GRIN2D: variants seen among roughly 807,000 people sequenced by gnomAD.
The protein encoded by GRIN2D is glutamate ionotropic receptor NMDA type subunit 2D.
GRIN2D carries 37 observed loss-of-function variants against 103.2 expected under a neutral mutation model. That is an observed-to-expected ratio of 0.36 (90% confidence interval 0.28 to 0.47). GRIN2D has a LOEUF of 0.47. Among genes scored for constraint, GRIN2D ranks in the 20% least tolerant of loss-of-function variants. The pLI is 1.00. For missense variants in GRIN2D, 1,557 were observed against 1,910.6 expected, an observed-to-expected ratio of 0.81 and a Z score of 3.45; for synonymous variants, 845 against 885.6, an observed-to-expected ratio of 0.95 and a Z score of 0.81.
intron 11 of GRIN2D, among the ~76,000 whole-genome samples, chr19:48,433,434 T>C (rs1251632156): frequency 2.0e-5 from 3 of 152,194 alleles, no homozygotes; most frequent in African/African-American, 4.8e-5. Context: ...TGTGGCGAGC[T>C]AGTGGTTGCC....
chr19:48,402,166 A>AAGAGAGAG (rs531796512), intron 3 of GRIN2D, among the ~76,000 whole-genome samples: 32 of 80,078 alleles, frequency 4.0e-4, no homozygotes, highest in East Asian at 2.6e-3. Flanking sequence ...GAAAGAAAGA[A>AAGAGAGAG]AGAGAGAAAA....
intron 11 of GRIN2D, among the ~76,000 whole-genome samples, chr19:48,437,503 T>A (rs557993096): frequency 6.6e-6 from 1 of 152,322 alleles, no homozygotes; most frequent in East Asian, 1.9e-4. Context: ...CCAGAAAAAC[T>A]GAGCAAACCA....
chr19:48,394,009 C>A lies in GRIN2D; in HGVS notation c.-306+141C>A, dbSNP rs146751271. On this transcript the variant is annotated intron_variant, in intron 1 of 13. Coordinates refer to ENST00000263269, the MANE Select transcript of GRIN2D (RefSeq NM_000836.4). The surrounding 1 kb of genome is among the most constrained non-coding windows in gnomAD (Gnocchi z 5.1). ...GCCTGCCTGGGTGTCGTGGGGCTCCCGCTCCTTCCCCCCGGCCCCCCCAAA... is the reference window on the plus strand; with the variant it reads ...GCCTGCCTGGGTGTCGTGGGGCTCCAGCTCCTTCCCCCCGGCCCCCCCAAA... Among the ~76,000 whole-genome samples, 1 of 152,062 alleles carries A rather than the reference C, an allele frequency of 6.6e-6. No homozygotes were observed. The highest frequency in any genetic ancestry group is 1.5e-5 in the Non-Finnish European group (1 of 67,994).
At position 48,418,725 on chromosome 19, in the gene GRIN2D, C is replaced by T. The variant is rs541271594; in HGVS notation, c.1736-509C>T. ...GCCTGTGACTGGGTGGATGGTGGGG[C>T]TCCCATCATGAGGAGCGTGGGAGCT... On this transcript the variant is annotated intron_variant, in intron 8 of 13. Transcript: ENST00000263269. 9.2e-5 allele frequency among the ~76,000 whole-genome samples: 14 copies of T among 152,028 alleles called. No homozygotes were observed. The South Asian group carries it at 2.9e-3, about 32-fold the overall frequency.
At position 48,442,084 on chromosome 19, in the gene GRIN2D, C is replaced by T. The variant is rs1971301971; in HGVS notation, c.2441-66C>T. On this transcript the variant is annotated intron_variant, in intron 12 of 13. Coordinates refer to ENST00000263269, the MANE Select transcript of GRIN2D (RefSeq NM_000836.4). The surrounding 1 kb of genome is among the most constrained non-coding windows in gnomAD (Gnocchi z 7.2). The stretch of plus-strand genomic sequence containing the variant: ...AGGAAGGGGCTAAGGGCCTACATTC[C>T]CACATCACAGACAAGGGTCCTCAGA... 1.3e-6 allele frequency: 2 copies of T among 1,539,126 alleles called. No homozygotes were observed. Among genetic ancestry groups the T allele is most frequent in the Admixed American group, 1.7e-5 (1 of 59,548 alleles).
chr19:48,431,899 T>TTA (rs1971161576), intron 11 of GRIN2D, among the ~76,000 whole-genome samples: 1 of 145,100 alleles, frequency 6.9e-6, no homozygotes, highest in Non-Finnish European at 1.5e-5. Context: ...TTCCTTTCTT[T>TTA]TCTTTTATCT....
intron 4 of GRIN2D, among the ~76,000 whole-genome samples, chr19:48,412,402 G>GA (rs1970874352): frequency 1.6e-5 from 2 of 126,676 alleles, no homozygotes; most frequent in Non-Finnish European, 3.4e-5. Flanking sequence ...AGAAAGAAAA[G>GA]AAAGAAAGAA....
At chr19:48,439,108 G>T (rs971317701) in intron 11 of GRIN2D, among the ~76,000 whole-genome samples, 1 of 149,606 alleles carries the variant, frequency 6.7e-6, no homozygotes. Flanking sequence ...ACCCCATAAG[G>T]TCAGGTGTGA....
At chr19:48,415,246 C>T (rs1437021452) in intron 7 of GRIN2D, among the ~76,000 whole-genome samples, 1 of 152,052 alleles carries the variant, frequency 6.6e-6, no homozygotes, top group Non-Finnish European at 1.5e-5. Context: ...TGGCGGGCGC[C>T]TGTAATCCCA....
Position 48,419,590 on chromosome 19 carries a change from G to A in GRIN2D, c.1867G>A (p.Gly623Ser). ...CACGTCCTGGCCCCCTGCAGGCCCT[G>A]GCGGTTCAACCTTCACCATTGGGAA... ...NRSLATGKRPGGSTFTIGKSI... is the reference protein window; with the variant it reads ...NRSLATGKRPSGSTFTIGKSI... Residue 623 changes from glycine (G) to serine (S), a missense_variant, in exon 10 of 14, where the codon GGC becomes AGC. Gly to Ser is a moderately conservative substitution (Grantham distance 56). Transcript: ENST00000263269. 6.2e-7 allele frequency: 1 copy of A among 1,612,102 alleles called. No homozygotes were observed. Among genetic ancestry groups the A allele is most frequent in the Non-Finnish European group, 8.5e-7 (1 of 1,178,720 alleles).
intron 11 of GRIN2D, among the ~76,000 whole-genome samples, chr19:48,441,493 G>A (rs117364706): frequency 2.0e-5 from 3 of 152,094 alleles, no homozygotes; most frequent in Admixed American, 6.5e-5. Context: ...TAGGAGGATC[G>A]CTTGAGCCCA....
chr19:48,413,019 C>T lies in GRIN2D; in HGVS notation c.1086-972C>T, dbSNP rs1467393592. Among the ~76,000 whole-genome samples the T allele has an allele frequency of 2.2e-5, 3 of 138,296 alleles. No individual in the cohort carries two copies. The East Asian group carries it at 6.6e-4, about 30-fold the overall frequency. 90.7% of individuals were successfully genotyped at this position (138,296 alleles called of 152,430 possible). On this transcript the variant is annotated intron_variant, in intron 4 of 13. Coordinates refer to ENST00000263269, the MANE Select transcript of GRIN2D (RefSeq NM_000836.4). ...GACATGGTGGTGAACACCTGCAATCCCAGCTACTCAGGAGGCTGAGGCAGG... is the reference window on the plus strand; with the variant it reads ...GACATGGTGGTGAACACCTGCAATCTCAGCTACTCAGGAGGCTGAGGCAGG...
In GRIN2D at chr19:48,419,574, GC is replaced by G. The variant is rs776439229; in HGVS notation, c.1862-6del. ...ATTTGGGGTCCATGTCCACGTCCTGGCCCCCTGCAGGCCCTGGCGGTTCAAC... is the reference window on the plus strand; with the variant it reads ...ATTTGGGGTCCATGTCCACGTCCTGGCCCCTGCAGGCCCTGGCGGTTCAAC... On this transcript the variant is annotated splice_polypyrimidine_tract_variant and intron_variant, in intron 9 of 13. Transcript: ENST00000263269. The G allele has an allele frequency of 7.4e-5, 118 of 1,591,878 alleles. No homozygotes were observed. Among genetic ancestry groups the G allele is most frequent in the Middle Eastern group, 1.7e-4 (1 of 6,052 alleles).
intron 3 of GRIN2D, among the ~76,000 whole-genome samples, chr19:48,403,074 C>G (rs1279183812): frequency 6.6e-6 from 1 of 151,956 alleles, no homozygotes; most frequent in East Asian, 1.9e-4. Flanking sequence ...TGGCATGTGC[C>G]TGTAATCCCA....
At chr19:48,418,598 G>T (rs765507033) in intron 8 of GRIN2D, among the ~76,000 whole-genome samples, 1 of 152,112 alleles carries the variant, frequency 6.6e-6, no homozygotes, top group Non-Finnish European at 1.5e-5. Context: ...GAGAGGAGAG[G>T]CCCAAGTAGC....
Position 48,414,413 on chromosome 19 carries a change from C to T in GRIN2D, c.1241C>T (p.Pro414Leu), listed in dbSNP as rs778711855. The change falls in exon 6 of 14, where the codon CCG (proline) becomes CTG (leucine). Residue 414 changes from proline (P) to leucine (L), a missense_variant. Physicochemically the swap from Pro to Leu is moderately conservative, Grantham distance 98 (BLOSUM62 -3). This residue lies in a region of GRIN2D where 490 missense variants were observed against 601.1 expected (regional missense o/e 0.82). Coordinates refer to ENST00000263269, the MANE Select transcript of GRIN2D (RefSeq NM_000836.4). The surrounding 1 kb of genome is among the most constrained non-coding windows in gnomAD (Gnocchi z 4.6). Reference protein sequence around the residue: ...WEQQTLRLKYPLWSRYGRFLQ... With the variant: ...WEQQTLRLKYLLWSRYGRFLQ... ...CAGCAGACGCTCCGCCTCAAGTACC[C>T]GCTGTGGTCCCGCTATGGTCGCTTC... 1 of 1,610,086 alleles carries T rather than the reference C, an allele frequency of 6.2e-7. No homozygotes were observed. Among genetic ancestry groups the T allele is most frequent in the Non-Finnish European group, 8.5e-7 (1 of 1,178,520 alleles).
intron 8 of GRIN2D, among the ~76,000 whole-genome samples, chr19:48,418,684 G>A (rs1381075953): frequency 1.3e-5 from 2 of 152,060 alleles, no homozygotes; most frequent in African/African-American, 4.8e-5. Flanking sequence ...AAGGGAGGAC[G>A]GCAAATGAGG....
At chr19:48,428,660 G>T (rs1329739840) in intron 11 of GRIN2D, among the ~76,000 whole-genome samples, 1 of 152,096 alleles carries the variant, frequency 6.6e-6, no homozygotes, top group Non-Finnish European at 1.5e-5. Flanking sequence ...ACTGCGCCCG[G>T]CCCAAGTTCC....
At chr19:48,396,245 G>C (rs917797009) in intron 2 of GRIN2D, among the ~76,000 whole-genome samples, 1 of 152,090 alleles carries the variant, frequency 6.6e-6, no homozygotes, top group African/African-American at 2.4e-5. Context: ...TCTGGGGGTT[G>C]GGCCTTCAGA....
Sources: gnomAD v4.1 joint callset for allele counts (sites outside exome capture counted in the v4.1 genomes callset) on GRCh38, gnomAD v4.1.1 for gene constraint, gnomAD v4.1.1 regional missense constraint, Gnocchi (gnomAD v3.1) non-coding constraint, MANE v1.5 for transcripts, NCBI Gene and HGNC (gene_info 2026-07-23, HGNC 2026-07-21) for gene names.